The following QPRT variants were observed in gnomAD, a reference collection of about 807,000 sequenced individuals.
QPRT encodes quinolinate phosphoribosyltransferase.
A neutral mutation model predicts 19.8 loss-of-function variants in QPRT; 17 were observed. The observed-to-expected ratio is 0.86, with a 90% CI of 0.59 to 1.29. The LOEUF is 1.29. QPRT is among the 50% of genes most tolerant of loss of function. The pLI is 0.00. For synonymous variants in QPRT, 178 were observed against 191.0 expected, an observed-to-expected ratio of 0.93 and a Z score of 0.56; for missense variants, 336 against 405.1, an observed-to-expected ratio of 0.83 and a Z score of 1.46.
intron 1 of QPRT, among the ~76,000 whole-genome samples, chr16:29,691,597 G>A (rs183170953): frequency 6.6e-6 from 1 of 152,238 alleles, no homozygotes; most frequent in Admixed American, 6.5e-5. Context: ...TGAGGCGAGA[G>A]GATTGCTTAA....
chr16:29,679,307 C>T, intron 1 of QPRT, 97 bp downstream of exon 1: 8 of 871,714 alleles, frequency 9.2e-6, no homozygotes, highest in Non-Finnish European at 1.3e-5. Flanking sequence ...GTTGCCTCCT[C>T]TGGAGTCATC....
chr16:29,697,420 C>A lies in QPRT; in HGVS notation c.*9C>A. On this transcript the variant is annotated 3_prime_UTR_variant, in exon 4 of 4. Transcript: ENST00000395384. The surrounding 1 kb of genome is among the most constrained non-coding windows in gnomAD (Gnocchi z 4.4). ...TGCCCAAAATCCACTAGTCCTAAAC[C>A]GGAAGAGGATGACACCGGCCATGGG... 1 of 1,605,344 alleles carries A rather than the reference C, an allele frequency of 6.2e-7. No homozygotes were observed. Among genetic ancestry groups the A allele is most frequent in the Non-Finnish European group, 8.5e-7 (1 of 1,176,406 alleles).
intron 2 of QPRT, chr16:29,696,020 G>T: frequency 6.6e-6 from 1 of 152,244 alleles, no homozygotes. Context: ...CAGTGTCACT[G>T]GCACCACAGC....
intron 1 of QPRT, among the ~76,000 whole-genome samples, chr16:29,690,435 C>A (rs1967292980): frequency 6.6e-6 from 1 of 152,048 alleles, no homozygotes; most frequent in African/African-American, 2.4e-5. Context: ...GAAATTGCTG[C>A]ACTGTCCTCC....
At chr16:29,684,537 C>T (rs564619629) in intron 1 of QPRT, among the ~76,000 whole-genome samples, 47 of 152,082 alleles carry the variant, frequency 3.1e-4, no homozygotes, top group African/African-American at 9.4e-4. Context: ...TTAGTAGAGA[C>T]GGGGTTTCAC....
At chr16:29,696,173 C>T (rs1967526573) in intron 2 of QPRT, 2 of 152,124 alleles carry the variant, frequency 1.3e-5, no homozygotes, top group African/African-American at 4.8e-5. Context: ...CACTTTTTGA[C>T]CCACAAAAGT....
rs563764909 is a variant in QPRT at position 29,694,043 on chromosome 16, G to T, written c.14-621G>T. The stretch of plus-strand genomic sequence containing the variant: ...TTGGCCAGGCTGGCCTTGAACCCCT[G>T]ACCTCAAGTGATCTGCCTGCCCCAG... On this transcript the variant is annotated intron_variant, in intron 1 of 3. Transcript: ENST00000395384. 2.0e-5 allele frequency among the ~76,000 whole-genome samples: 3 copies of T among 151,776 alleles called. No individual in the cohort carries two copies. The South Asian group carries it at 6.2e-4, about 32-fold the overall frequency.
chr16:29,693,692 T>C (rs1967422790), intron 1 of QPRT, among the ~76,000 whole-genome samples: 1 of 152,052 alleles, frequency 6.6e-6, no homozygotes, highest in Non-Finnish European at 1.5e-5. Context: ...GTTCAAGCAA[T>C]TCTCTTGCCT....
chr16:29,695,432 C>G (rs1967501021), intron 2 of QPRT, among the ~76,000 whole-genome samples: 1 of 151,102 alleles, frequency 6.6e-6, no homozygotes, highest in African/African-American at 2.4e-5. Flanking sequence ...GGGCCTCAGT[C>G]TCTCCAGTAG....
chr16:29,692,154 T>C (rs1378934863), intron 1 of QPRT, among the ~76,000 whole-genome samples: 1 of 152,214 alleles, frequency 6.6e-6, no homozygotes, highest in Non-Finnish European at 1.5e-5. Context: ...ATGGCGCTGT[T>C]GCACCGCGCC....
intron 1 of QPRT, among the ~76,000 whole-genome samples, chr16:29,679,504 A>G (rs1036984349): frequency 6.6e-6 from 1 of 150,844 alleles, no homozygotes; most frequent in Non-Finnish European, 1.5e-5. Context: ...TCCTGGGGGC[A>G]GTGGGGGCCG....
intron 1 of QPRT, among the ~76,000 whole-genome samples, chr16:29,679,533 G>C (rs998052183): frequency 1.3e-5 from 2 of 152,090 alleles, no homozygotes; most frequent in Non-Finnish European, 2.9e-5. Flanking sequence ...AGGCTGGTTG[G>C]GGGAGCAGCA....
At position 29,694,898 on chromosome 16, in the gene QPRT, C is replaced by G. The variant is rs761729022; in HGVS notation, c.248C>G (p.Pro83Arg). 13 of 1,614,026 alleles carry G rather than the reference C, an allele frequency of 8.1e-6. No homozygotes were observed. The highest frequency in any genetic ancestry group is 1.0e-5 in the Non-Finnish European group (12 of 1,179,936). ...WFLPEGSKLV[P>R]VARVAEVRGP... ...CTCCCCGAGGGATCGAAGCTGGTGC[C>G]GGTGGCCAGAGTGGCCGAGGTCCGG... Residue 83 changes from proline (P) to arginine (R), a missense_variant, in exon 2 of 4, where the codon CCG becomes CGG. Pro to Arg is a moderately radical substitution (Grantham distance 103). Coordinates refer to ENST00000395384, the MANE Select transcript of QPRT (RefSeq NM_014298.6).
At position 29,697,316 on chromosome 16, in the gene QPRT, A is replaced by C; in HGVS notation, c.799A>C (p.Ile267Leu). ...GTTCTGCGGGCCGCACATAGACGTC[A>C]TCTCCATGGGGATGCTGACCCAGGC... is the stretch of plus-strand genomic sequence containing the variant. ...PQFCGPHIDV[I>L]SMGMLTQAAP... Residue 267 changes from isoleucine (I) to leucine (L), a missense_variant, in exon 4 of 4, where the codon ATC (isoleucine) becomes CTC (leucine). By Grantham distance (5) the Ile-to-Leu change is conservative (BLOSUM62 2). Transcript: ENST00000395384. The surrounding 1 kb of genome is among the most constrained non-coding windows in gnomAD (Gnocchi z 4.4). 6.2e-7 allele frequency: 1 copy of C among 1,614,140 alleles called. No homozygotes were observed. The highest frequency in any genetic ancestry group is 8.5e-7 in the Non-Finnish European group (1 of 1,179,998).
chr16:29,685,464 G>A (rs1007806685), intron 1 of QPRT, among the ~76,000 whole-genome samples: 7 of 152,062 alleles, frequency 4.6e-5, no homozygotes, highest in Admixed American at 3.9e-4. Flanking sequence ...GTGAGACTCC[G>A]TCTCAAACAA....
chr16:29,689,071 G>T (rs1224718486), intron 1 of QPRT, among the ~76,000 whole-genome samples: 1 of 145,778 alleles, frequency 6.9e-6, no homozygotes, highest in Admixed American at 6.9e-5. Flanking sequence ...GTGAGCCACC[G>T]CGCCCAGCCT....
At chr16:29,684,040 C>G (rs1172367265) in intron 1 of QPRT, among the ~76,000 whole-genome samples, 3 of 152,178 alleles carry the variant, frequency 2.0e-5, no homozygotes, top group Non-Finnish European at 4.4e-5. Context: ...TGCTCACCTC[C>G]CAAAACCCTC....
At chr16:29,692,730 G>T (rs988963060) in intron 1 of QPRT, among the ~76,000 whole-genome samples, 1 of 152,022 alleles carries the variant, frequency 6.6e-6, no homozygotes, top group Non-Finnish European at 1.5e-5. Context: ...CCACAGTGGC[G>T]ACAGAGCGAG....
chr16:29,697,487 G>T lies in QPRT; in HGVS notation c.*76G>T. The T allele has an allele frequency of 6.9e-7, 1 of 1,448,646 alleles. No individual in the cohort carries two copies. Among genetic ancestry groups the T allele is most frequent in the South Asian group, 1.3e-5 (1 of 78,268 alleles). The allele number at this position is 1,448,646 out of a possible 1,614,324, so 89.7% of individuals were successfully genotyped here. ...GGACCCTCTGGGTCACACATCTTTA[G>T]GGTCAGTGGCCAATGGGGCACATTT... On this transcript the variant is annotated 3_prime_UTR_variant, in exon 4 of 4. Transcript: ENST00000395384. This position sits in a 1 kb window ranked among gnomAD's most constrained non-coding sequence, Gnocchi z 4.4.
Sources: allele counts gnomAD v4.1 joint callset (sites outside exome capture counted in the v4.1 genomes callset), GRCh38; gene constraint gnomAD v4.1.1; non-coding constraint Gnocchi (gnomAD v3.1); transcripts MANE v1.5; gene names NCBI Gene and HGNC (gene_info 2026-07-23, HGNC 2026-07-21).